Variants in TAFA1 observed in about 807,000 individuals in gnomAD.
TAFA1 encodes TAFA chemokine like family member 1, also known as chemokine-like protein TAFA-1.
A neutral mutation model predicts 18.5 loss-of-function variants in TAFA1; 4 were observed. The ratio of observed to expected loss-of-function variants is 0.22; its 90% confidence interval spans 0.11 to 0.49. The LOEUF is 0.49. TAFA1 is among the 20% of genes least tolerant of loss of function. The probability of loss-of-function intolerance (pLI) is 0.98; values close to 1 mark genes in which losing one functional copy is unlikely to be tolerated. For synonymous variants in TAFA1, 56 were observed against 55.2 expected, an observed-to-expected ratio of 1.01 and a Z score of -0.06; for missense variants, 147 against 169.0, an observed-to-expected ratio of 0.87 and a Z score of 0.72.
At chr3:68,538,947 A>G (rs2106789739) in intron 4 of TAFA1, 67 bp downstream of exon 4, 3 of 1,527,050 alleles carry the variant, frequency 2.0e-6, no homozygotes, top group Non-Finnish European at 2.7e-6. Flanking sequence ...TGTGCTGTGC[A>G]AACAGCATCC....
intron 2 of TAFA1, among the ~76,000 whole-genome samples, chr3:68,404,802 GAAAA>G (rs112131770): frequency 2.1e-5 from 2 of 97,354 alleles, no homozygotes; most frequent in Non-Finnish European, 4.7e-5. Context: ...GCTTCAAAAA[GAAAA>G]AAAAAAAAAA....
chr3:68,355,662 C>G (rs553858792), intron 2 of TAFA1, among the ~76,000 whole-genome samples: 13 of 152,016 alleles, frequency 8.6e-5, no homozygotes, highest in African/African-American at 2.9e-4. Context: ...CTAGGGGATA[C>G]AATTTCGTGA....
intron 2 of TAFA1, among the ~76,000 whole-genome samples, chr3:68,099,282 T>G (rs1282839882): frequency 2.0e-5 from 3 of 152,100 alleles, no homozygotes; most frequent in Admixed American, 2.0e-4. Flanking sequence ...ATATCCAGAA[T>G]CTATCAGGAA....
At chr3:68,396,350 A>C (rs889867830) in intron 2 of TAFA1, among the ~76,000 whole-genome samples, 4 of 152,168 alleles carry the variant, frequency 2.6e-5, no homozygotes, top group African/African-American at 9.7e-5. Flanking sequence ...GTTACCAGCA[A>C]TCCAGAAGTA....
intron 2 of TAFA1, among the ~76,000 whole-genome samples, chr3:68,255,078 T>C (rs2067272254): frequency 6.6e-6 from 1 of 152,080 alleles, no homozygotes; most frequent in Admixed American, 6.6e-5. Context: ...CCATTTTGCC[T>C]AAAAGGAAGC....
At chr3:68,319,725 A>G (rs969071917) in intron 2 of TAFA1, among the ~76,000 whole-genome samples, 21 of 152,234 alleles carry the variant, frequency 1.4e-4, no homozygotes, top group African/African-American at 4.8e-4. Flanking sequence ...CATGCTCAAA[A>G]TGGATTGAGA....
chr3:68,157,020 ACAAACTT>A lies in TAFA1; in HGVS notation c.118+150277_118+150283del, dbSNP rs558325010. Among the ~76,000 whole-genome samples the A allele has an allele frequency of 3.1e-3, 471 of 152,316 alleles. 3 individuals are homozygous for A. The highest frequency in any genetic ancestry group is 0.011 in the African/African-American group (439 of 41,566). On this transcript the variant is annotated intron_variant, in intron 2 of 4. Transcript: ENST00000478136. ...TCTCAGGTTCTTTCTGACAATATTA[ACAAACTT>A]TTATATTTTAATGCCAGATTATCCT...
At chr3:68,000,333 G>A (rs889709076), upstream of TAFA1, among the ~76,000 whole-genome samples, 3 of 152,150 alleles carry the variant, frequency 2.0e-5, no homozygotes, top group Non-Finnish European at 2.9e-5. Flanking sequence ...TCCAGAAATA[G>A]CTATTAACAC....
chr3:68,358,978 G>T (rs2069419920), intron 2 of TAFA1, among the ~76,000 whole-genome samples: 1 of 151,912 alleles, frequency 6.6e-6, no homozygotes. Flanking sequence ...TCAAGGCTAT[G>T]GCCAATCTGC....
intron 3 of TAFA1, among the ~76,000 whole-genome samples, chr3:68,523,897 A>G (rs1559704924): frequency 6.6e-6 from 1 of 152,122 alleles, no homozygotes; most frequent in Non-Finnish European, 1.5e-5. Context: ...GTCTCATACC[A>G]TCTTCCTATT....
chr3:68,114,001 T>G (rs538681269), intron 2 of TAFA1, among the ~76,000 whole-genome samples: 15 of 146,556 alleles, frequency 1.0e-4, no homozygotes, highest in South Asian at 9.1e-4. Context: ...GCCTCCTGGA[T>G]TCAAACAATT....
At chr3:68,137,122 GA>G (rs1559534035) in intron 2 of TAFA1, among the ~76,000 whole-genome samples, 1 of 152,112 alleles carries the variant, frequency 6.6e-6, no homozygotes, top group East Asian at 1.9e-4. Flanking sequence ...TACTTTATGG[GA>G]AAAATCTCTC....
intron 3 of TAFA1, among the ~76,000 whole-genome samples, chr3:68,443,473 C>CAAAAAAAAAAAAAAAAAAA (rs56944130): frequency 2.1e-5 from 2 of 96,100 alleles, no homozygotes; most frequent in Admixed American, 1.1e-4. Flanking sequence ...GGGCAATTTA[C>CAAAAAAAAAAAAAAAAAAA]AAAAAAAAAA....
intron 2 of TAFA1, among the ~76,000 whole-genome samples, chr3:68,317,248 T>G (rs1200279009): frequency 1.3e-5 from 2 of 152,214 alleles, no homozygotes; most frequent in East Asian, 3.8e-4. Context: ...GAGACCCCTT[T>G]CTTCAAGTGA....
chr3:68,379,575 T>C (rs262192), intron 2 of TAFA1, among the ~76,000 whole-genome samples: 2 of 152,154 alleles, frequency 1.3e-5, no homozygotes, highest in Admixed American at 1.3e-4. Context: ...GCCTGTTGCT[T>C]TGTCAAGAAT....
At chr3:68,422,539 C>T (rs910886926) in intron 3 of TAFA1, among the ~76,000 whole-genome samples, 3 of 151,982 alleles carry the variant, frequency 2.0e-5, no homozygotes, top group African/African-American at 7.2e-5. Context: ...TTAAAAGAAG[C>T]ATATATTGGA....
intron 2 of TAFA1, among the ~76,000 whole-genome samples, chr3:68,034,168 A>T (rs533662329): frequency 2.0e-5 from 3 of 152,168 alleles, no homozygotes; most frequent in Non-Finnish European, 4.4e-5. Context: ...AGTACCTTGG[A>T]CTTGTGAAAG....
At chr3:68,280,660 T>G (rs578218518) in intron 2 of TAFA1, among the ~76,000 whole-genome samples, 7 of 152,252 alleles carry the variant, frequency 4.6e-5, no homozygotes, top group African/African-American at 1.2e-4. Flanking sequence ...TTAGAAAGAT[T>G]TTAATTTGAA....
At chr3:68,264,893 T>A (rs2067513203) in intron 2 of TAFA1, among the ~76,000 whole-genome samples, 1 of 152,132 alleles carries the variant, frequency 6.6e-6, no homozygotes, top group Admixed American at 6.5e-5. Context: ...ACAGAGATGG[T>A]CAGTTTTTTA....
Sources: allele counts gnomAD v4.1 joint callset (sites outside exome capture counted in the v4.1 genomes callset), GRCh38; gene constraint gnomAD v4.1.1; transcripts MANE v1.5; gene names NCBI Gene and HGNC (gene_info 2026-07-23, HGNC 2026-07-21).